PLCB4: variants seen among roughly 807,000 people sequenced by gnomAD.
PLCB4 encodes the protein 1-phosphatidylinositol 4,5-bisphosphate phosphodiesterase beta-4.
Under a neutral mutation model 178.8 loss-of-function variants are expected in PLCB4, and 77 were observed. The ratio of observed to expected loss-of-function variants is 0.43; its 90% confidence interval spans 0.36 to 0.52. The LOEUF (loss-of-function observed/expected upper bound fraction) is 0.52, where lower values mean the gene tolerates loss of function less well. PLCB4 is among the 20% of genes least tolerant of loss of function. The pLI is 0.00. For missense variants in PLCB4, 1,024 were observed against 1,453.4 expected (o/e 0.70, Z 4.80); for synonymous variants, 496 against 490.8 (o/e 1.01, Z -0.14).
intron 3 of PLCB4, among the ~76,000 whole-genome samples, chr20:9,307,494 T>TATATACACACACACACAC (rs1396442853): frequency 1.2e-4 from 17 of 138,180 alleles, no homozygotes; most frequent in African/African-American, 4.4e-4. Context: ...AAAAAAAGAA[T>TATATACACACACACACAC]ACACACACAC....
chr20:9,372,357 CA>C lies in PLCB4; in HGVS notation c.644del (p.Lys215ArgfsTer8). On this transcript the variant is annotated frameshift_variant, in exon 11 of 40. Transcript: ENST00000378473. LOFTEE classifies it high-confidence loss of function. ...TTATGAAAAGTTCTATGAACTGACA[CA>C]AAAGATTTGTCCTCGGACAGATATA... ...FSYEKFYELT[Q>X]KICPRTDIED... The C allele has an allele frequency of 6.2e-7, 1 of 1,603,824 alleles. No homozygotes were observed. Among genetic ancestry groups the C allele is most frequent in the Non-Finnish European group, 8.5e-7 (1 of 1,171,390 alleles).
At chr20:9,107,048 C>A (rs2091391171) in intron 2 of PLCB4, among the ~76,000 whole-genome samples, 1 of 152,158 alleles carries the variant, frequency 6.6e-6, no homozygotes, top group Non-Finnish European at 1.5e-5. Flanking sequence ...TAAACCATCT[C>A]CATATGACCA....
intron 4 of PLCB4, among the ~76,000 whole-genome samples, chr20:9,330,536 A>AG (rs2031488813): frequency 6.6e-6 from 1 of 152,232 alleles, no homozygotes; most frequent in Non-Finnish European, 1.5e-5. Context: ...CTTTGGAATC[A>AG]GAGAAGCTGG....
chr20:9,338,910 C>G lies in PLCB4; in HGVS notation c.242C>G (p.Ala81Gly). 6.2e-7 allele frequency: 1 copy of G among 1,613,286 alleles called. No homozygotes were observed. The highest frequency in any genetic ancestry group is 1.3e-5 in the African/African-American group (1 of 74,960). The change falls in exon 7 of 40, where the codon GCT becomes GGT. Residue 81 changes from alanine (A) to glycine (G), a missense_variant. Around this residue, in one of 7 missense-constraint regions of PLCB4, gnomAD observed 225 missense variants for 291.0 expected, o/e 0.77. Coordinates refer to ENST00000378473, the MANE Select transcript of PLCB4 (RefSeq NM_001377142.1). The stretch of plus-strand genomic sequence containing the variant: ...TCTATACAGGATCCCAAAATCTTGG[C>G]TGCTCTTGAAGCTGTTGGAAAATCA... ...GAIPKDPKIL[A>G]ALEAVGKSEN...
chr20:9,219,971 G>C (rs1196302660), intron 3 of PLCB4, among the ~76,000 whole-genome samples: 1 of 151,732 alleles, frequency 6.6e-6, no homozygotes, highest in Non-Finnish European at 1.5e-5. Flanking sequence ...AAGGCAAAAG[G>C]TATATTTTGA....
At chr20:9,345,839 G>C (rs2033741858) in intron 7 of PLCB4, among the ~76,000 whole-genome samples, 1 of 152,124 alleles carries the variant, frequency 6.6e-6, no homozygotes, top group Non-Finnish European at 1.5e-5. Flanking sequence ...TTTGTTACCA[G>C]TAATAAAATA....
At chr20:9,466,479 C>G (rs1339744217) in intron 35 of PLCB4, among the ~76,000 whole-genome samples, 2 of 152,140 alleles carry the variant, frequency 1.3e-5, no homozygotes, top group East Asian at 3.9e-4. Context: ...AAGAAACTAC[C>G]ATTAGAGTGA....
intron 13 of PLCB4, among the ~76,000 whole-genome samples, 153 bp from the exon 14 acceptor site, chr20:9,384,048 T>A (rs1281582729): frequency 6.6e-6 from 1 of 152,238 alleles, no homozygotes; most frequent in Non-Finnish European, 1.5e-5. Context: ...CTCTCTTATT[T>A]CATTCAAGTT....
chr20:9,136,740 T>C (rs1300735523), intron 2 of PLCB4, among the ~76,000 whole-genome samples: 3 of 152,088 alleles, frequency 2.0e-5, no homozygotes, highest in Non-Finnish European at 4.4e-5. Flanking sequence ...TGCTCTTTCC[T>C]CTTTCCATCA....
intron 2 of PLCB4, among the ~76,000 whole-genome samples, chr20:9,149,472 G>A (rs911400098): frequency 2.6e-5 from 4 of 152,128 alleles, no homozygotes; most frequent in East Asian, 1.9e-4. Flanking sequence ...GACTAATAAC[G>A]ATTTATTGAA....
intron 2 of PLCB4, among the ~76,000 whole-genome samples, chr20:9,130,851 A>G (rs2092254382): frequency 1.3e-5 from 2 of 152,220 alleles, no homozygotes; most frequent in Non-Finnish European, 1.5e-5. Flanking sequence ...AACACAGACC[A>G]TCATATTCAT....
At chr20:9,097,479 T>A (rs1203351452) in intron 2 of PLCB4, among the ~76,000 whole-genome samples, 1 of 152,042 alleles carries the variant, frequency 6.6e-6, no homozygotes, top group African/African-American at 2.4e-5. Context: ...AGTGGTCAAA[T>A]CTGACCTTGT....
intron 13 of PLCB4, among the ~76,000 whole-genome samples, chr20:9,381,544 G>A (rs146795006): frequency 1.2e-3 from 189 of 152,300 alleles, no homozygotes; most frequent in African/African-American, 4.4e-3. Flanking sequence ...TGTGATAAAT[G>A]TCATGATTGA....
intron 4 of PLCB4, among the ~76,000 whole-genome samples, chr20:9,320,667 C>T (rs904423627): frequency 1.3e-5 from 2 of 152,118 alleles, no homozygotes; most frequent in Non-Finnish European, 2.9e-5. Flanking sequence ...TTTTAGCTTC[C>T]TTTTGCAGTT....
chr20:9,277,342 C>G (rs1310272517), intron 3 of PLCB4, among the ~76,000 whole-genome samples: 1 of 152,014 alleles, frequency 6.6e-6, no homozygotes, highest in East Asian at 1.9e-4. Flanking sequence ...GCGAACTTTG[C>G]TGTTTTGATT....
intron 2 of PLCB4, among the ~76,000 whole-genome samples, chr20:9,100,287 G>A (rs1479500971): frequency 6.6e-6 from 1 of 152,204 alleles, no homozygotes; most frequent in Non-Finnish European, 1.5e-5. Flanking sequence ...GCCTTCCCAT[G>A]AGTATAAGGA....
intron 3 of PLCB4, among the ~76,000 whole-genome samples, chr20:9,282,986 A>G (rs977316793): frequency 1.4e-4 from 21 of 152,044 alleles, no homozygotes; most frequent in Non-Finnish European, 1.6e-4. Flanking sequence ...AGCAAGTCAC[A>G]TGTCTAAAAC....
chr20:9,311,715 C>T (rs1457275230), intron 4 of PLCB4, among the ~76,000 whole-genome samples: 2 of 152,176 alleles, frequency 1.3e-5, no homozygotes, highest in African/African-American at 4.8e-5. Flanking sequence ...CCTACTCAGA[C>T]TCTCCTGAGA....
At chr20:9,169,553 C>T (rs1424079129) in intron 2 of PLCB4, among the ~76,000 whole-genome samples, 3 of 151,514 alleles carry the variant, frequency 2.0e-5, no homozygotes, top group South Asian at 2.1e-4. Context: ...CGTGCCACTG[C>T]GCTCCAGCCT....
Sources: gnomAD v4.1 joint callset for allele counts (sites outside exome capture counted in the v4.1 genomes callset) on GRCh38, gnomAD v4.1.1 for gene constraint, gnomAD v4.1.1 regional missense constraint, MANE v1.5 for transcripts, NCBI Gene and HGNC (gene_info 2026-07-23, HGNC 2026-07-21) for gene names.